ATAD3B: variants seen among roughly 807,000 people sequenced by gnomAD.
The protein encoded by ATAD3B is ATPase family AAA domain-containing protein 3B.
Under a neutral mutation model 70.2 loss-of-function variants are expected in ATAD3B, and 59 were observed. That is an observed-to-expected ratio of 0.84 (90% CI 0.68 to 1.04). ATAD3B has a LOEUF of 1.04. Among genes scored for constraint, ATAD3B ranks in the 50% least tolerant of loss-of-function variants. The pLI is 0.00. For synonymous variants in ATAD3B, 423 were observed against 388.6 expected, an observed-to-expected ratio of 1.09 and a Z score of -1.04; for missense variants, 961 against 913.4, an observed-to-expected ratio of 1.05 and a Z score of -0.67.
intron 15 of ATAD3B, among the ~76,000 whole-genome samples, chr1:1,493,996 T>G (rs1488218415): frequency 2.0e-5 from 3 of 151,998 alleles, no homozygotes; most frequent in Non-Finnish European, 4.4e-5. Flanking sequence ...CTGATTCTTC[T>G]TAATGTTTTG....
chr1:1,482,029 G>C (rs1415361251), intron 5 of ATAD3B, 109 bp from the exon 6 acceptor site: 12 of 1,474,830 alleles, frequency 8.1e-6, no homozygotes, highest in Admixed American at 2.0e-5. Flanking sequence ...CTGTGGCGTT[G>C]GTCTGTCCGT....
In ATAD3B at chr1:1,477,321, C is replaced by G; in HGVS notation, c.253C>G (p.Leu85Val). The G allele has an allele frequency of 6.2e-7, 1 of 1,612,296 alleles. No individual in the cohort carries two copies. Among genetic ancestry groups the G allele is most frequent in the Non-Finnish European group, 8.5e-7 (1 of 1,179,712 alleles). ...TCTGGCGCAGATGCAGGAGCAGACG[C>G]TGCAGTTGGAGCAACAGTCCAAGCT... ...LNLAQMQEQTLQLEQQSKLKE... is the reference protein window; with the variant it reads ...LNLAQMQEQTVQLEQQSKLKE... Residue 85 changes from leucine (L) to valine (V), a missense_variant, in exon 2 of 16, where the codon CTG becomes GTG. Transcript: ENST00000673477.
intron 4 of ATAD3B, among the ~76,000 whole-genome samples, chr1:1,479,946 G>A (rs1359337456): frequency 7.3e-6 from 1 of 137,084 alleles, no homozygotes; most frequent in East Asian, 2.3e-4. Flanking sequence ...ACACCCACCT[G>A]CACACACGGG....
At chr1:1,474,090 G>A (rs1193948621) in intron 1 of ATAD3B, among the ~76,000 whole-genome samples, 9 of 152,054 alleles carry the variant, frequency 5.9e-5, no homozygotes, top group Non-Finnish European at 1.2e-4. Flanking sequence ...TTGCTTTGTC[G>A]CCCAGTCTGG....
chr1:1,487,446 C>G (rs1415613405), intron 11 of ATAD3B, among the ~76,000 whole-genome samples: 4 of 151,192 alleles, frequency 2.6e-5, no homozygotes, highest in African/African-American at 4.9e-5. Flanking sequence ...CGAGATTGCG[C>G]CACTGCACTC....
rs763095932 is a variant in ATAD3B, at chr1:1,485,821, G to C, written c.946G>C (p.Glu316Gln). ...CCTCAGTCGACCCCAGGACGTGCTG[G>C]AGGGTGTTGTGCTTAGTGTAAGTCG... ...RLLSRPQDVL[E>Q]GVVLSPSLEA... The change falls in exon 9 of 16, where the codon GAG becomes CAG. Residue 316 changes from glutamate to glutamine, a missense_variant. Around this residue, in one of 4 missense-constraint regions of ATAD3B, gnomAD observed 349 missense variants for 307.5 expected, o/e 1.14. Coordinates refer to ENST00000673477, the MANE Select transcript of ATAD3B (RefSeq NM_031921.6). The C allele has an allele frequency of 3.7e-6, 6 of 1,613,148 alleles. No individual in the cohort carries two copies. The highest frequency in any genetic ancestry group is 1.7e-4 in the Middle Eastern group (1 of 5,926).
Position 1,471,969 on chromosome 1 carries a change from G to A in ATAD3B, c.85G>A (p.Ala29Thr), listed in dbSNP as rs1436871956. The change falls in exon 1 of 16, where the codon GCC (alanine) becomes ACC (threonine). Residue 29 changes from alanine to threonine, a missense_variant. Coordinates refer to ENST00000673477, the MANE Select transcript of ATAD3B (RefSeq NM_031921.6). ...PPPLPPAQPG[A>T]EGGGDRGLGD... ...GCCTTTGCCGCCCGCGCAGCCCGGG[G>A]CCGAGGGCGGCGGGGACCGCGGTTT... 5.6e-6 allele frequency: 7 copies of A among 1,241,742 alleles called. No homozygotes were observed. The highest frequency in any genetic ancestry group is 8.6e-5 in the Admixed American group (2 of 23,228). The allele number at this position is 1,241,742 out of a possible 1,614,324, so 76.9% of individuals were successfully genotyped here. A position where few individuals can be genotyped will look rare whatever the true frequency, so the allele number is the denominator to read the frequency against.
chr1:1,495,469 CCTCT>C lies in ATAD3B; in HGVS notation c.1615-11_1615-8del, dbSNP rs1176702582. The C allele has an allele frequency of 6.3e-7, 1 of 1,585,146 alleles. No homozygotes were observed. Among genetic ancestry groups the C allele is most frequent in the Non-Finnish European group, 8.6e-7 (1 of 1,161,222 alleles). ...TTCCCATAGCGGCCTCCCTCAGCTCCCTCTCTCTTCACTAGGCCACGGCATATGC... is the reference window on the plus strand; with the variant it reads ...TTCCCATAGCGGCCTCCCTCAGCTCCCTCTTCACTAGGCCACGGCATATGC... On this transcript the variant is annotated splice_polypyrimidine_tract_variant and intron_variant, in intron 15 of 15. Coordinates refer to ENST00000673477, the MANE Select transcript of ATAD3B (RefSeq NM_031921.6).
chr1:1,482,993 C>T (rs755797576), intron 7 of ATAD3B: 1 of 465,112 alleles, frequency 2.2e-6, no homozygotes, highest in African/African-American at 2.0e-5. Context: ...AGAATAAGAC[C>T]TTGTCTCAAG....
In ATAD3B at chr1:1,497,694, GTC is replaced by G. The variant is rs1307465110; in HGVS notation, c.*1881_*1882del. 1 of 150,402 alleles carries G rather than the reference GTC, an allele frequency of 6.6e-6. No homozygotes were observed. Among genetic ancestry groups the G allele is most frequent in the East Asian group, 2.0e-4 (1 of 5,048 alleles). 9.3% of individuals were successfully genotyped at this position (150,402 alleles called of 1,614,324 possible). ...ATCCTGGCTAACGTGGCAAAACCCC[GTC>G]TCTACTAAAAATACAAAAAAATTAG... On this transcript the variant is annotated 3_prime_UTR_variant, in exon 16 of 16. Coordinates refer to ENST00000673477, the MANE Select transcript of ATAD3B (RefSeq NM_031921.6).
downstream of ATAD3B, among the ~76,000 whole-genome samples, chr1:1,499,123 C>T (rs916759250): frequency 2.8e-4 from 43 of 152,030 alleles, no homozygotes; most frequent in Non-Finnish European, 4.6e-4. Context: ...AGGTGCCCGC[C>T]ACCACGCCCA....
intron 2 of ATAD3B, among the ~76,000 whole-genome samples, chr1:1,477,746 C>G (rs965299129): frequency 1.3e-5 from 2 of 151,420 alleles, no homozygotes; most frequent in Non-Finnish European, 2.9e-5. Context: ...CTCACTCTTG[C>G]CTAGGCTGGA....
At chr1:1,506,493 G>A in the ATAD3B span, among the ~76,000 whole-genome samples, 5 of 151,058 alleles carry the variant, frequency 3.3e-5, no homozygotes, top group African/African-American at 9.7e-5. Context: ...AACTCATGAC[G>A]TCAGGTGATC....
intron 7 of ATAD3B, chr1:1,483,829 G>T (rs1159727102): frequency 6.6e-6 from 1 of 152,220 alleles, no homozygotes; most frequent in East Asian, 1.9e-4. Flanking sequence ...GCATTAAGCA[G>T]CTCCTTCATG....
rs1639710134 is a variant in ATAD3B at position 1,478,388 on chromosome 1, G to A, written c.283-256G>A. 2.7e-6 allele frequency: 4 copies of A among 1,473,842 alleles called. No homozygotes were observed. The South Asian group carries it at 4.2e-5, about 15-fold the overall frequency. The allele number at this position is 1,473,842 out of a possible 1,614,324, so 91.3% of individuals were successfully genotyped here. ...CCTGGAGCTGCCCAGAAACAGCCTT[G>A]TGGGGTGGGGTTGGTGTCTGACCTC... On this transcript the variant is annotated intron_variant, in intron 2 of 15. Coordinates refer to ENST00000673477, the MANE Select transcript of ATAD3B (RefSeq NM_031921.6).
intron 15 of ATAD3B, among the ~76,000 whole-genome samples, chr1:1,491,104 G>A (rs148635028): frequency 1.2e-3 from 189 of 151,416 alleles, no homozygotes; most frequent in African/African-American, 4.5e-3. Context: ...CCTGTTTGAC[G>A]GGTTCAGACA....
intron 4 of ATAD3B, among the ~76,000 whole-genome samples, chr1:1,480,017 C>A (rs1167344893): frequency 6.9e-6 from 1 of 144,614 alleles, no homozygotes; most frequent in African/African-American, 2.6e-5. Context: ...CACATAGGCA[C>A]ACATACACAA....
intron 1 of ATAD3B, among the ~76,000 whole-genome samples, chr1:1,473,527 T>C (rs1243842360): frequency 1.4e-5 from 2 of 141,726 alleles, no homozygotes; most frequent in Non-Finnish European, 3.1e-5. Flanking sequence ...GATGATGTCT[T>C]GCTCTTTGGC....
At chr1:1,501,432 T>C (rs1640943646), downstream of ATAD3B, among the ~76,000 whole-genome samples, 2 of 152,160 alleles carry the variant, frequency 1.3e-5, no homozygotes, top group African/African-American at 4.8e-5. Flanking sequence ...TTTTTTTATA[T>C]TTTTAGTAGA....
Sources: gnomAD v4.1 joint callset for allele counts (sites outside exome capture counted in the v4.1 genomes callset) on GRCh38, gnomAD v4.1.1 for gene constraint, gnomAD v4.1.1 regional missense constraint, MANE v1.5 for transcripts, NCBI Gene and HGNC (gene_info 2026-07-23, HGNC 2026-07-21) for gene names.